The following IRAK1BP1 variants were observed in gnomAD, a reference collection of about 807,000 sequenced individuals.
IRAK1BP1 encodes interleukin-1 receptor-associated kinase 1-binding protein 1.
In IRAK1BP1, 24 loss-of-function variants were observed where a neutral mutation model predicts 28.0. The observed-to-expected ratio is 0.86, with a 90% CI of 0.62 to 1.20. The LOEUF is 1.20. Ranked by LOEUF, IRAK1BP1 falls within the 50% of genes most tolerant of loss-of-function variation. IRAK1BP1 has a pLI of 0.00. For synonymous variants in IRAK1BP1, 131 were observed against 116.3 expected, an observed-to-expected ratio of 1.13 and a Z score of -0.81; for missense variants, 336 against 316.7, an observed-to-expected ratio of 1.06 and a Z score of -0.46.
At chr6:78,876,910 G>C (rs1410335473) in intron 1 of IRAK1BP1, among the ~76,000 whole-genome samples, 1 of 152,154 alleles carries the variant, frequency 6.6e-6, no homozygotes, top group Admixed American at 6.5e-5. Flanking sequence ...CTCATACTCT[G>C]TGTTGGAACC....
At chr6:78,904,970 C>A (rs1223176969), downstream of IRAK1BP1, among the ~76,000 whole-genome samples, 1 of 152,072 alleles carries the variant, frequency 6.6e-6, no homozygotes, top group Admixed American at 6.5e-5. Flanking sequence ...ACAAAGAAAT[C>A]AATAGGAATA....
At chr6:78,955,547 C>T in the IRAK1BP1 span, 1 of 604,744 alleles carries the variant, frequency 1.7e-6, no homozygotes, top group Non-Finnish European at 2.9e-6. Context: ...TACCTGAAAA[C>T]TACAATATGT....
At chr6:78,887,022 A>G (rs1771453213) in intron 2 of IRAK1BP1, among the ~76,000 whole-genome samples, 1 of 152,196 alleles carries the variant, frequency 6.6e-6, no homozygotes, top group Non-Finnish European at 1.5e-5. Flanking sequence ...TGGGATCACA[A>G]GATACAAAAT....
chr6:78,960,197 G>C, the IRAK1BP1 span, among the ~76,000 whole-genome samples: 7 of 152,106 alleles, frequency 4.6e-5, no homozygotes, highest in African/African-American at 1.7e-4. Context: ...TCAAACCATT[G>C]TAAGTCAAAC....
chr6:78,972,437 A>G, the IRAK1BP1 span, among the ~76,000 whole-genome samples: 2 of 152,230 alleles, frequency 1.3e-5, no homozygotes, highest in African/African-American at 4.8e-5. Flanking sequence ...AAAAAACAGA[A>G]CAGAAAAACT....
chr6:78,879,016 C>T (rs918926881), intron 1 of IRAK1BP1, among the ~76,000 whole-genome samples: 4 of 152,276 alleles, frequency 2.6e-5, no homozygotes, highest in Admixed American at 2.6e-4. Flanking sequence ...AAATCTACGT[C>T]TGATTGGTGT....
At chr6:78,933,255 C>A (rs886654110) in intron 4 of IRAK1BP1, among the ~76,000 whole-genome samples, 1 of 152,190 alleles carries the variant, frequency 6.6e-6, no homozygotes, top group Admixed American at 6.5e-5. Context: ...TTAGCTAAAT[C>A]ATCTGGATAA....
At chr6:78,931,796 G>C (rs537252125) in intron 4 of IRAK1BP1, among the ~76,000 whole-genome samples, 3 of 152,140 alleles carry the variant, frequency 2.0e-5, no homozygotes, top group Non-Finnish European at 4.4e-5. Flanking sequence ...GACTGATCAG[G>C]GTGGTGGTTG....
the IRAK1BP1 span, among the ~76,000 whole-genome samples, chr6:78,962,249 T>G: frequency 6.6e-6 from 1 of 152,044 alleles, no homozygotes; most frequent in Non-Finnish European, 1.5e-5. Context: ...ATTAGACAAG[T>G]AGAGAAAAGG....
downstream of IRAK1BP1, among the ~76,000 whole-genome samples, chr6:78,905,014 A>C (rs1772227190): frequency 6.6e-6 from 1 of 152,218 alleles, no homozygotes; most frequent in East Asian, 1.9e-4. Context: ...ATTTACTTGC[A>C]AACCACAAAA....
the IRAK1BP1 span, chr6:78,958,248 C>T: frequency 1.8e-3 from 647 of 358,988 alleles, 2 homozygotes; most frequent in Non-Finnish European, 2.7e-3. Context: ...AATGGTAATA[C>T]GATTTTTATG....
chr6:78,927,302 T>C (rs1027202075), intron 4 of IRAK1BP1, among the ~76,000 whole-genome samples: 1 of 152,228 alleles, frequency 6.6e-6, no homozygotes, highest in African/African-American at 2.4e-5. Flanking sequence ...TGACCAGTGA[T>C]ATTGAGCACC....
intron 1 of IRAK1BP1, among the ~76,000 whole-genome samples, chr6:78,880,119 AG>A (rs1476430788): frequency 6.6e-6 from 1 of 152,202 alleles, no homozygotes; most frequent in Non-Finnish European, 1.5e-5. Flanking sequence ...CAAAACTTCT[AG>A]AAAAAAAGAA....
chr6:78,962,363 C>T, the IRAK1BP1 span, among the ~76,000 whole-genome samples: 3 of 152,118 alleles, frequency 2.0e-5, no homozygotes, highest in African/African-American at 7.2e-5. Context: ...ATTTTTTGCT[C>T]ATTCGCATAT....
At chr6:78,879,724 CAA>C (rs1454933810) in intron 1 of IRAK1BP1, among the ~76,000 whole-genome samples, 1 of 152,026 alleles carries the variant, frequency 6.6e-6, no homozygotes, top group Non-Finnish European at 1.5e-5. Context: ...AGAGAAAAGA[CAA>C]GAGTGACATC....
chr6:78,973,704 C>CA, the IRAK1BP1 span, among the ~76,000 whole-genome samples: 1 of 150,912 alleles, frequency 6.6e-6, no homozygotes, highest in Non-Finnish European at 1.5e-5. Context: ...AAATGGAAAA[C>CA]AAAAAAAGAC....
rs762549805 is a variant in IRAK1BP1 at position 78,945,493 on chromosome 6, T to C, written c.*153T>C. The C allele has an allele frequency of 1.9e-6, 3 of 1,588,712 alleles. No homozygotes were observed. In the African/African-American group the frequency reaches 4.0e-5, roughly 21 times the overall value. ...CTTTGGAATGTTTCACAGAATTCTC[T>C]AGTACTAAAACATACAAACAAAATT... On this transcript the variant is annotated 3_prime_UTR_variant and NMD_transcript_variant, in exon 5 of 5. Transcript: ENST00000606868.
Position 78,867,608 on chromosome 6 carries a change from T to C in IRAK1BP1, c.32T>C (p.Val11Ala), listed in dbSNP as rs150240400. 1.7e-5 allele frequency: 27 copies of C among 1,614,122 alleles called. No individual in the cohort carries two copies. The African/African-American group carries it at 2.9e-4, about 18-fold the overall frequency. MSLQKTPPTR[V>A]FVELVPWADR... is the part of the protein sequence containing the mutation. Reference sequence around the variant, plus strand: ...CTGCAAAAGACCCCTCCGACCCGAGTGTTCGTGGAACTGGTTCCCTGGGCT... The same window carrying C: ...CTGCAAAAGACCCCTCCGACCCGAGCGTTCGTGGAACTGGTTCCCTGGGCT... Residue 11 changes from valine (V) to alanine (A), a missense_variant, in exon 1 of 4, where the codon GTG becomes GCG. Val to Ala is a moderately conservative substitution (Grantham distance 64). Coordinates refer to ENST00000369940, the MANE Select transcript of IRAK1BP1 (RefSeq NM_001010844.4).
chr6:78,877,459 G>T (rs1011000899), intron 1 of IRAK1BP1, among the ~76,000 whole-genome samples: 1 of 152,156 alleles, frequency 6.6e-6, no homozygotes, highest in East Asian at 1.9e-4. Flanking sequence ...TTCTTATATG[G>T]GTTGTTTTCA....
Sources: allele counts gnomAD v4.1 joint callset (sites outside exome capture counted in the v4.1 genomes callset), GRCh38; gene constraint gnomAD v4.1.1; transcripts MANE v1.5; gene names NCBI Gene and HGNC (gene_info 2026-07-23, HGNC 2026-07-21).